Variants in UBE2U observed in about 807,000 individuals in gnomAD.
The protein encoded by UBE2U is ubiquitin-conjugating enzyme E2 U.
A neutral mutation model predicts 41.2 loss-of-function variants in UBE2U; 39 were observed. That is an observed-to-expected ratio of 0.95 (90% confidence interval 0.73 to 1.24). The LOEUF is 1.24. UBE2U is among the 50% of genes most tolerant of loss of function. UBE2U has a pLI of 0.00. For synonymous variants in UBE2U, 107 were observed against 117.8 expected, an observed-to-expected ratio of 0.91 and a Z score of 0.60; for missense variants, 336 against 363.1, an observed-to-expected ratio of 0.93 and a Z score of 0.61.
At chr1:64,237,287 A>ATGTAT in intron 7 of UBE2U, among the ~76,000 whole-genome samples, 1 of 148,452 alleles carries the variant, frequency 6.7e-6, no homozygotes, top group South Asian at 2.2e-4. Flanking sequence ...CAGATGTTGG[A>ATGTAT]CAAGAGATGT....
At chr1:64,233,119 T>C in intron 7 of UBE2U, among the ~76,000 whole-genome samples, 1 of 152,070 alleles carries the variant, frequency 6.6e-6, no homozygotes, top group East Asian at 1.9e-4. Context: ...GCCATTCTCC[T>C]GCCTCAGCCT....
chr1:64,215,926 C>T (rs916134197), intron 5 of UBE2U, among the ~76,000 whole-genome samples: 207 of 152,318 alleles, frequency 1.4e-3, no homozygotes, highest in African/African-American at 4.7e-3. Context: ...TAGTTATTTC[C>T]TTTATATCCT....
chr1:64,221,681 T>G (rs569504530), intron 6 of UBE2U, among the ~76,000 whole-genome samples: 7 of 152,328 alleles, frequency 4.6e-5, no homozygotes, highest in African/African-American at 1.4e-4. Flanking sequence ...TTCCATCAGC[T>G]TTATCTTGAT....
intron 8 of UBE2U, among the ~76,000 whole-genome samples, chr1:64,258,059 G>A (rs1645123112): frequency 6.6e-6 from 1 of 152,196 alleles, no homozygotes; most frequent in Non-Finnish European, 1.5e-5. Flanking sequence ...ACAAGGCAAG[G>A]ATGTCTGTTC....
chr1:64,252,278 G>A (rs1052082851), intron 8 of UBE2U, among the ~76,000 whole-genome samples: 8 of 152,124 alleles, frequency 5.3e-5, no homozygotes, highest in African/African-American at 1.9e-4. Flanking sequence ...GAGGGGAGGG[G>A]TGGCCACCAT....
chr1:64,208,058 GAAAAT>G (rs752870074), intron 3 of UBE2U, among the ~76,000 whole-genome samples: 10 of 151,994 alleles, frequency 6.6e-5, no homozygotes, highest in Non-Finnish European at 8.8e-5. Flanking sequence ...TCACTACTAA[GAAAAT>G]AAAAGCAAAT....
rs1651143814 is a variant in UBE2U at position 64,204,131 on chromosome 1, C to T, written c.66+15C>T. 1 of 1,605,830 alleles carries T rather than the reference C, an allele frequency of 6.2e-7. No homozygotes were observed. The highest frequency in any genetic ancestry group is 1.1e-5 in the South Asian group (1 of 89,682). Reference sequence around the variant, plus strand: ...ACAATTATAAGGTAAGTACTGGGCACGTGGAGAGATGTGTTTCATTGTGCA... The same window carrying T: ...ACAATTATAAGGTAAGTACTGGGCATGTGGAGAGATGTGTTTCATTGTGCA... On this transcript the variant is annotated intron_variant, in intron 1 of 9. Coordinates refer to ENST00000371077, the MANE Select transcript of UBE2U (RefSeq NM_001366232.2).
intron 2 of UBE2U, among the ~76,000 whole-genome samples, chr1:64,206,511 G>A (rs374460198): frequency 2.6e-5 from 4 of 151,368 alleles, no homozygotes; most frequent in African/African-American, 9.7e-5. Flanking sequence ...TACAACAGAG[G>A]GGGTGGATGT....
intron 1 of UBE2U, 107 bp from the exon 2 acceptor site, chr1:64,205,532 G>T: frequency 4.5e-6 from 4 of 886,696 alleles, no homozygotes; most frequent in Non-Finnish European, 6.9e-6. Context: ...ATCAAGGAAA[G>T]AAAATTTAGA....
At chr1:64,230,121 T>C (rs987890514) in intron 6 of UBE2U, among the ~76,000 whole-genome samples, 5 of 152,206 alleles carry the variant, frequency 3.3e-5, no homozygotes, top group Admixed American at 3.3e-4. Context: ...GTCAATTTTT[T>C]AGCATTGCCT....
chr1:64,260,762 A>C (rs1645169305), intron 9 of UBE2U, 68 bp downstream of exon 9: 1 of 1,279,950 alleles, frequency 7.8e-7, no homozygotes, highest in African/African-American at 1.5e-5. Context: ...GCATAACTTT[A>C]AACTTTTTTC....
chr1:64,226,493 C>T (rs1435541372), intron 6 of UBE2U, among the ~76,000 whole-genome samples: 3 of 152,074 alleles, frequency 2.0e-5, no homozygotes, highest in Admixed American at 6.5e-5. Context: ...ACACTTAAAA[C>T]GTGTGCATTT....
At chr1:64,217,093 G>A (rs1292962280) in intron 5 of UBE2U, among the ~76,000 whole-genome samples, 3 of 152,270 alleles carry the variant, frequency 2.0e-5, no homozygotes, top group Admixed American at 1.3e-4. Flanking sequence ...GGTCCCAGTT[G>A]GCCAAACATG....
In UBE2U at chr1:64,206,757, A is replaced by G. The variant is rs201367851; in HGVS notation, c.149-7A>G. ...CTTTAGTAAAAATGTTTATTTCTAT[A>G]TTATAGGTTTAGTCTTCCAACTGAC... On this transcript the variant is annotated splice_region_variant and splice_polypyrimidine_tract_variant and intron_variant, in intron 2 of 9. Coordinates refer to ENST00000371077, the MANE Select transcript of UBE2U (RefSeq NM_001366232.2). 117 of 1,525,242 alleles carry G rather than the reference A, an allele frequency of 7.7e-5. 2 individuals carry two copies. In the South Asian group the frequency reaches 8.4e-4, roughly 11 times the overall value. 94.5% of individuals were successfully genotyped at this position (1,525,242 alleles called of 1,614,324 possible). A position where few individuals can be genotyped will look rare whatever the true frequency, so the allele number is the denominator to read the frequency against.
At chr1:64,215,015 C>T (rs1651902497) in intron 5 of UBE2U, 83 bp downstream of exon 5, 2 of 1,055,922 alleles carry the variant, frequency 1.9e-6, no homozygotes, top group African/African-American at 1.6e-5. Context: ...GGTGGATCAT[C>T]TGAGGTCCGG....
intron 8 of UBE2U, among the ~76,000 whole-genome samples, chr1:64,256,923 C>T (rs1464910469): frequency 7.1e-6 from 1 of 141,630 alleles, no homozygotes; most frequent in Non-Finnish European, 1.5e-5. Context: ...AAAAAAAAAC[C>T]ATTAAAAAAT....
Position 64,214,808 on chromosome 1 carries a change from C to A in UBE2U, c.340-7C>A. ...TGAAATTATATGTTGTCTGTGTTTT[C>A]CTATAGGTTATGCTTTCTAATCCAG... is the stretch of plus-strand genomic sequence containing the variant. On this transcript the variant is annotated splice_polypyrimidine_tract_variant and splice_region_variant and intron_variant, in intron 4 of 9. Transcript: ENST00000371077. 6.2e-7 allele frequency: 1 copy of A among 1,610,920 alleles called. No individual in the cohort carries two copies. The highest frequency in any genetic ancestry group is 8.5e-7 in the Non-Finnish European group (1 of 1,177,324).
chr1:64,211,582 G>T (rs1476017610), intron 4 of UBE2U, among the ~76,000 whole-genome samples: 1 of 152,050 alleles, frequency 6.6e-6, no homozygotes, highest in East Asian at 1.9e-4. Context: ...TGGGACCACC[G>T]GCATGCCCTA....
At chr1:64,231,064 A>G (rs1057110999) in intron 6 of UBE2U, among the ~76,000 whole-genome samples, 4 of 152,200 alleles carry the variant, frequency 2.6e-5, no homozygotes, top group African/African-American at 9.6e-5. Context: ...CCAAATGTGT[A>G]AGACATTTTG....
Sources: gnomAD v4.1 joint callset for allele counts (sites outside exome capture counted in the v4.1 genomes callset) on GRCh38, gnomAD v4.1.1 for gene constraint, MANE v1.5 for transcripts, NCBI Gene and HGNC (gene_info 2026-07-23, HGNC 2026-07-21) for gene names.